The following WDFY3 variants were observed in gnomAD, a reference collection of about 807,000 sequenced individuals.
WDFY3 encodes the protein WD repeat and FYVE domain containing 3, also known as WD repeat and FYVE domain-containing protein 3.
A neutral mutation model predicts 409.6 loss-of-function variants in WDFY3; 66 were observed. The observed-to-expected ratio is 0.16, with a 90% CI of 0.13 to 0.20. The LOEUF is 0.20. WDFY3 is among the 10% of genes least tolerant of loss of function. The pLI is 1.00. For missense variants in WDFY3, 3,031 were observed against 4,298.1 expected, an observed-to-expected ratio of 0.71 and a Z score of 8.24; for synonymous variants, 1,521 against 1,537.1, an observed-to-expected ratio of 0.99 and a Z score of 0.25.
intron 17 of WDFY3, among the ~76,000 whole-genome samples, chr4:84,800,647 C>A (rs1402669062): frequency 1.3e-5 from 2 of 152,134 alleles, no homozygotes; most frequent in Non-Finnish European, 2.9e-5. Flanking sequence ...TGGTACCCAA[C>A]CTTTTTGGCA....
chr4:84,920,837 CT>C (rs894067808), intron 2 of WDFY3, among the ~76,000 whole-genome samples: 7 of 151,884 alleles, frequency 4.6e-5, no homozygotes, highest in Non-Finnish European at 8.8e-5. Flanking sequence ...TTAATATGAC[CT>C]TTTTTTTCCT....
At chr4:84,720,736 A>G (rs555049576) in intron 47 of WDFY3, among the ~76,000 whole-genome samples, 1 of 152,346 alleles carries the variant, frequency 6.6e-6, no homozygotes, top group South Asian at 2.1e-4. Flanking sequence ...CGTTGAGCCA[A>G]ACAAACCTGT....
intron 3 of WDFY3, among the ~76,000 whole-genome samples, chr4:84,880,728 T>G (rs1763419255): frequency 1.8e-5 from 2 of 112,078 alleles, no homozygotes; most frequent in Admixed American, 1.9e-4. Context: ...TATATATATG[T>G]TTTTTTGGAG....
At chr4:84,848,788 C>G (rs942196108) in intron 5 of WDFY3, among the ~76,000 whole-genome samples, 3 of 152,072 alleles carry the variant, frequency 2.0e-5, no homozygotes, top group African/African-American at 7.2e-5. Context: ...CAGCACATCT[C>G]CCCAGCACAT....
chr4:84,939,440 C>T lies in WDFY3; in HGVS notation c.-225-7077G>A, dbSNP rs904991862. ...GCTTTAAGACATCGAAAATATCCTG[C>T]TTCTCATCAAAATTTCTCCCTCATT... is the stretch of plus-strand genomic sequence containing the variant. On this transcript the variant is annotated intron_variant, in intron 1 of 67. Coordinates refer to ENST00000295888, the MANE Select transcript of WDFY3 (RefSeq NM_014991.6). 2.0e-5 allele frequency among the ~76,000 whole-genome samples: 3 copies of T among 152,214 alleles called. No individual in the cohort carries two copies. In the Middle Eastern group the frequency reaches 0.01, roughly 518 times the overall value.
intron 51 of WDFY3, among the ~76,000 whole-genome samples, chr4:84,712,814 T>A (rs909698986): frequency 5.9e-5 from 9 of 152,074 alleles, no homozygotes; most frequent in African/African-American, 2.2e-4. Flanking sequence ...GAATAATAGT[T>A]ATGTTTCTGA....
At chr4:84,799,846 CTTCT>C (rs1750187722) in intron 17 of WDFY3, among the ~76,000 whole-genome samples, 1 of 152,186 alleles carries the variant, frequency 6.6e-6, no homozygotes, top group African/African-American at 2.4e-5. Context: ...CATCATTTGA[CTTCT>C]TTTTTCTGAG....
At chr4:84,789,952 C>T in intron 21 of WDFY3, 45 bp from the exon 22 acceptor site, 1 of 1,589,996 alleles carries the variant, frequency 6.3e-7, no homozygotes, top group Non-Finnish European at 8.6e-7. Context: ...CCAACACCAT[C>T]CCTATTCAAA....
At chr4:84,819,799 TTGAG>T (rs1272977539) in intron 12 of WDFY3, among the ~76,000 whole-genome samples, 2 of 152,072 alleles carry the variant, frequency 1.3e-5, no homozygotes, top group Non-Finnish European at 2.9e-5. Flanking sequence ...AGCAACTTAT[TTGAG>T]TAAGAGTGTA....
chr4:84,821,943 G>A (rs906887820), intron 10 of WDFY3, among the ~76,000 whole-genome samples: 1 of 152,114 alleles, frequency 6.6e-6, no homozygotes, highest in African/African-American at 2.4e-5. Flanking sequence ...GGCTGAAGAA[G>A]TTACAGGCCT....
chr4:84,756,675 T>C (rs1224505249), intron 33 of WDFY3, among the ~76,000 whole-genome samples: 1 of 151,798 alleles, frequency 6.6e-6, no homozygotes, highest in African/African-American at 2.4e-5. Context: ...TAGATCACCA[T>C]TAAATATCAT....
At chr4:84,803,956 T>C (rs1189903215) in intron 15 of WDFY3, 1 of 152,804 alleles carries the variant, frequency 6.5e-6, no homozygotes. Context: ...TGAGTCAGGG[T>C]TGTCTCAGAG....
intron 17 of WDFY3, among the ~76,000 whole-genome samples, chr4:84,800,192 A>T (rs1230901208): frequency 6.6e-6 from 1 of 152,240 alleles, no homozygotes; most frequent in Admixed American, 6.5e-5. Flanking sequence ...TGTTTACTGC[A>T]TAAAAGTTTC....
Position 84,796,416 on chromosome 4 carries a change from G to T in WDFY3, c.3167+105C>A, listed in dbSNP as rs961744754. 4.7e-6 allele frequency: 3 copies of T among 633,780 alleles called. No homozygotes were observed. In the Admixed American group the frequency reaches 1.2e-4, roughly 26 times the overall value. The allele number at this position is 633,780 out of a possible 1,614,324, so 39.3% of individuals were successfully genotyped here. On this transcript the variant is annotated intron_variant, in intron 19 of 67. Coordinates refer to ENST00000295888, the MANE Select transcript of WDFY3 (RefSeq NM_014991.6). Reference sequence around the variant, plus strand: ...TCAATAATTAAAAAATATTAAGTATGGTAAAATATATTTTAATTAAGTATA... The same window carrying T: ...TCAATAATTAAAAAATATTAAGTATTGTAAAATATATTTTAATTAAGTATA...
chr4:84,932,848 T>C (rs1364481011), intron 1 of WDFY3, among the ~76,000 whole-genome samples: 1 of 152,216 alleles, frequency 6.6e-6, no homozygotes, highest in Non-Finnish European at 1.5e-5. Context: ...TTTTAAAAAT[T>C]GCTGCCTCAT....
chr4:84,838,008 T>C (rs919428036), intron 6 of WDFY3, among the ~76,000 whole-genome samples: 2 of 152,102 alleles, frequency 1.3e-5, no homozygotes, highest in Admixed American at 6.6e-5. Context: ...CAGGCTAATA[T>C]AAAAGGGATT....
chr4:84,960,137 T>C (rs972327867), intron 1 of WDFY3, among the ~76,000 whole-genome samples: 1 of 152,236 alleles, frequency 6.6e-6, no homozygotes, highest in Non-Finnish European at 1.5e-5. Context: ...GCAATAAATG[T>C]AGGCTTTAGA....
rs183420148 is a variant in WDFY3, at chr4:84,753,185, T to G, written c.5739+512A>C. ...TATATGTGATTATAATCTAATAGTT[T>G]TTAAGTTAGTACAAAATAAGCAAAA... On this transcript the variant is annotated intron_variant, in intron 35 of 67. Transcript: ENST00000295888. 5.2e-3 allele frequency among the ~76,000 whole-genome samples: 796 copies of G among 152,312 alleles called. 5 individuals are homozygous for G. Among genetic ancestry groups the G allele is most frequent in the Non-Finnish European group, 9.5e-3 (645 of 68,036 alleles).
chr4:84,695,910 C>G (rs1730065340), intron 58 of WDFY3, 60 bp downstream of exon 58: 1 of 1,485,878 alleles, frequency 6.7e-7, no homozygotes, highest in Non-Finnish European at 9.3e-7. Context: ...AATCTACAAT[C>G]TAGAGAAATG....
Sources: allele counts gnomAD v4.1 joint callset (sites outside exome capture counted in the v4.1 genomes callset), GRCh38; gene constraint gnomAD v4.1.1; transcripts MANE v1.5; gene names NCBI Gene and HGNC (gene_info 2026-07-23, HGNC 2026-07-21).